CGNL1: variants seen among roughly 807,000 people sequenced by gnomAD.
The protein encoded by CGNL1 is cingulin like 1.
In CGNL1, 132 loss-of-function variants were observed where a neutral mutation model predicts 141.2. That is an observed-to-expected ratio of 0.93 (90% CI 0.81 to 1.08). CGNL1 has a LOEUF of 1.08. Among genes scored for constraint, CGNL1 ranks in the 50% least tolerant of loss-of-function variants. CGNL1 has a pLI of 0.00. For synonymous variants in CGNL1, 690 were observed against 622.1 expected, an observed-to-expected ratio of 1.11 and a Z score of -1.63; for missense variants, 1,870 against 1,588.6, an observed-to-expected ratio of 1.18 and a Z score of -3.01.
chr15:57,504,727 A>G (rs1420906903), intron 8 of CGNL1, among the ~76,000 whole-genome samples: 1 of 152,038 alleles, frequency 6.6e-6, no homozygotes, highest in Non-Finnish European at 1.5e-5. Flanking sequence ...TGGAGCTTGT[A>G]CCTGGACATG....
intron 8 of CGNL1, among the ~76,000 whole-genome samples, chr15:57,499,426 C>G (rs974736934): frequency 6.6e-6 from 1 of 151,616 alleles, no homozygotes; most frequent in Admixed American, 6.6e-5. Flanking sequence ...TTAGTAGAGG[C>G]GGGGTTTCAC....
intron 8 of CGNL1, among the ~76,000 whole-genome samples, chr15:57,483,465 TTTC>T (rs1240643232): frequency 1.6e-5 from 2 of 122,276 alleles, no homozygotes; most frequent in Non-Finnish European, 3.5e-5. Context: ...TCTACAAAGT[TTTC>T]TTTTTTTTTT....
chr15:57,489,970 TG>T (rs754422132), intron 8 of CGNL1, among the ~76,000 whole-genome samples: 1 of 152,196 alleles, frequency 6.6e-6, no homozygotes, highest in Non-Finnish European at 1.5e-5. Flanking sequence ...TCTGGATGTC[TG>T]GAGGTTGGGG....
At chr15:57,424,380 C>G (rs1454395135) in intron 1 of CGNL1, among the ~76,000 whole-genome samples, 1 of 152,182 alleles carries the variant, frequency 6.6e-6, no homozygotes, top group East Asian at 1.9e-4. Context: ...CATTTTCTTA[C>G]CATGCTATGT....
In CGNL1 at chr15:57,526,108, CTG is replaced by C. The variant is rs1373247838; in HGVS notation, c.3039+1358_3039+1359del. Among the ~76,000 whole-genome samples, 3 of 151,678 alleles carry C rather than the reference CTG, an allele frequency of 2.0e-5. No homozygotes were observed. In the East Asian group the frequency reaches 5.8e-4, roughly 29 times the overall value. On this transcript the variant is annotated intron_variant, in intron 12 of 18. Transcript: ENST00000281282. ...GAGATCCTCTAGTTAGATAAGGAAA[CTG>C]AGGTCCAGAGAGACTAGTTAAGGCC...
intron 1 of CGNL1, among the ~76,000 whole-genome samples, chr15:57,407,993 C>T (rs1223202370): frequency 6.6e-6 from 1 of 151,962 alleles, no homozygotes; most frequent in East Asian, 1.9e-4. Context: ...AGGTGATCCA[C>T]CTGTCTCAGC....
intron 1 of CGNL1, among the ~76,000 whole-genome samples, chr15:57,399,262 C>G (rs1278850788): frequency 1.3e-5 from 2 of 152,180 alleles, no homozygotes; most frequent in Non-Finnish European, 2.9e-5. Flanking sequence ...CTTATTTCTC[C>G]TATCTAGCTG....
intron 1 of CGNL1, among the ~76,000 whole-genome samples, chr15:57,380,843 C>T (rs749401471): frequency 3.3e-5 from 5 of 152,188 alleles, no homozygotes; most frequent in African/African-American, 7.2e-5. Context: ...AGCTTAGTAG[C>T]GGCTACCTCC....
intron 8 of CGNL1, among the ~76,000 whole-genome samples, chr15:57,484,512 A>AT (rs200431200): frequency 0.026 from 3,964 of 151,468 alleles, 81 homozygotes; most frequent in South Asian, 0.038. Context: ...AATCTTACTG[A>AT]TTTTTTTTGT....
At chr15:57,506,286 C>T (rs183149866) in intron 8 of CGNL1, among the ~76,000 whole-genome samples, 46 of 152,326 alleles carry the variant, frequency 3.0e-4, no homozygotes, top group East Asian at 2.3e-3. Flanking sequence ...TCCTTGAAGG[C>T]GAACGGCACT....
intron 1 of CGNL1, among the ~76,000 whole-genome samples, chr15:57,417,524 G>A (rs1436219220): frequency 1.3e-5 from 2 of 151,940 alleles, no homozygotes; most frequent in African/African-American, 2.4e-5. Flanking sequence ...ATGAGCCACT[G>A]CACCCAGCCT....
intron 8 of CGNL1, among the ~76,000 whole-genome samples, chr15:57,468,604 A>G (rs1437111811): frequency 2.0e-5 from 3 of 151,972 alleles, no homozygotes; most frequent in African/African-American, 7.3e-5. Flanking sequence ...AAGAATAAAC[A>G]AAAAGAGTTA....
intron 4 of CGNL1, among the ~76,000 whole-genome samples, chr15:57,443,424 C>G (rs1377390698): frequency 6.6e-6 from 1 of 152,220 alleles, no homozygotes; most frequent in South Asian, 2.1e-4. Flanking sequence ...CCTTTCCCCT[C>G]CCAGGGGAGT....
At chr15:57,521,488 A>T (rs2031250532) in intron 10 of CGNL1, among the ~76,000 whole-genome samples, 1 of 152,204 alleles carries the variant, frequency 6.6e-6, no homozygotes, top group Non-Finnish European at 1.5e-5. Flanking sequence ...AGTGTTTATC[A>T]TATGCCTAAT....
At chr15:57,451,770 G>T (rs1235163064) in intron 5 of CGNL1, among the ~76,000 whole-genome samples, 169 bp downstream of exon 5, 1 of 151,934 alleles carries the variant, frequency 6.6e-6, no homozygotes, top group Admixed American at 6.6e-5. Flanking sequence ...GCTGTCCAAA[G>T]AATTTTTTTT....
chr15:57,517,198 G>C (rs188044060), intron 9 of CGNL1, among the ~76,000 whole-genome samples: 16 of 152,304 alleles, frequency 1.1e-4, no homozygotes, highest in African/African-American at 3.9e-4. Context: ...GAGGTCAGGC[G>C]GGAACACAGG....
At chr15:57,446,719 T>A (rs1029460558) in intron 4 of CGNL1, among the ~76,000 whole-genome samples, 6 of 150,666 alleles carry the variant, frequency 4.0e-5, no homozygotes, top group Middle Eastern at 3.4e-3. Context: ...TGAGAATATA[T>A]CTGAGAGTAT....
chr15:57,534,721 A>T (rs1439066190), intron 14 of CGNL1, among the ~76,000 whole-genome samples: 1 of 152,220 alleles, frequency 6.6e-6, no homozygotes, highest in African/African-American at 2.4e-5. Context: ...CATCTCCTTA[A>T]CAAGGACATC....
chr15:57,442,748 A>C (rs938641846), intron 4 of CGNL1, among the ~76,000 whole-genome samples: 5 of 152,046 alleles, frequency 3.3e-5, no homozygotes, highest in Non-Finnish European at 7.4e-5. Context: ...CCTCCCAAGC[A>C]GCTGGAACTA....
Sources: allele counts gnomAD v4.1 joint callset (sites outside exome capture counted in the v4.1 genomes callset), GRCh38; gene constraint gnomAD v4.1.1; transcripts MANE v1.5; gene names NCBI Gene and HGNC (gene_info 2026-07-23, HGNC 2026-07-21).